NMT2: variants seen among roughly 807,000 people sequenced by gnomAD.
NMT2 encodes the protein glycylpeptide N-tetradecanoyltransferase 2.
Under a neutral mutation model 65.4 loss-of-function variants are expected in NMT2, and 35 were observed. The observed-to-expected ratio is 0.54, with a 90% CI of 0.41 to 0.71. The LOEUF is 0.71. Among genes scored for constraint, NMT2 ranks in the 30% least tolerant of loss-of-function variants. The pLI is 0.00. For synonymous variants in NMT2, 226 were observed against 231.8 expected (o/e 0.98, Z 0.23); for missense variants, 489 against 611.3 (o/e 0.80, Z 2.11).
chr10:15,118,984 C>T (rs1030776959), intron 9 of NMT2, among the ~76,000 whole-genome samples: 1 of 152,156 alleles, frequency 6.6e-6, no homozygotes, highest in African/African-American at 2.4e-5. Context: ...ATTTTCATAA[C>T]ACTAAGAAGT....
intron 1 of NMT2, among the ~76,000 whole-genome samples, chr10:15,162,897 G>GAT (rs1332905718): frequency 4.1e-5 from 6 of 147,440 alleles, no homozygotes; most frequent in Non-Finnish European, 9.0e-5. Flanking sequence ...TTATATATGT[G>GAT]ATATATATAA....
intron 2 of NMT2, among the ~76,000 whole-genome samples, chr10:15,135,640 T>TTTGGGGAATCTAAA (rs1258758433): frequency 1.3e-5 from 2 of 152,130 alleles, no homozygotes; most frequent in African/African-American, 4.8e-5. Context: ...GCTCTGGCAG[T>TTTGGGGAATCTAAA]TTGGGGAATC....
chr10:15,131,784 T>C (rs868739715), intron 6 of NMT2, among the ~76,000 whole-genome samples: 20 of 152,228 alleles, frequency 1.3e-4, no homozygotes, highest in Admixed American at 1.2e-3. Flanking sequence ...AGCTGGATCT[T>C]TGACTTTCCG....
In NMT2 at chr10:15,151,538, G is replaced by A. The variant is rs139885137; in HGVS notation, c.111-9981C>T. 1.1e-4 allele frequency among the ~76,000 whole-genome samples: 17 copies of A among 152,244 alleles called. No individual in the cohort carries two copies. In the East Asian group the frequency reaches 1.3e-3, roughly 12 times the overall value. On this transcript the variant is annotated intron_variant, in intron 1 of 11. Transcript: ENST00000378165. ...CTGGCTTTGTAGACAGTGCAAGGTCGGAATATAGGAAGAAATATTTTAAAT... is the reference window on the plus strand; with the variant it reads ...CTGGCTTTGTAGACAGTGCAAGGTCAGAATATAGGAAGAAATATTTTAAAT...
Position 15,139,212 on chromosome 10 carries a change from A to G in NMT2, c.246+2210T>C, listed in dbSNP as rs1846632599. On this transcript the variant is annotated intron_variant, in intron 2 of 11. Coordinates refer to ENST00000378165, the MANE Select transcript of NMT2 (RefSeq NM_004808.3). Reference sequence around the variant, plus strand: ...CAGACTGCAGATGGCCTATTGTGGGACCTTATGATCATGTGAATTAATACT... The same window carrying G: ...CAGACTGCAGATGGCCTATTGTGGGGCCTTATGATCATGTGAATTAATACT... 2.0e-5 allele frequency among the ~76,000 whole-genome samples: 3 copies of G among 152,120 alleles called. No individual in the cohort carries two copies. In the South Asian group the frequency reaches 6.2e-4, roughly 32 times the overall value.
intron 1 of NMT2, among the ~76,000 whole-genome samples, chr10:15,142,684 A>T (rs986820449): frequency 2.6e-5 from 4 of 152,254 alleles, no homozygotes; most frequent in African/African-American, 9.6e-5. Context: ...GTTTAAAAAT[A>T]GTAAGGTTTT....
intron 1 of NMT2, among the ~76,000 whole-genome samples, chr10:15,153,121 C>A (rs140273304): frequency 0.012 from 1,846 of 151,950 alleles, 20 homozygotes; most frequent in Non-Finnish European, 0.018. Context: ...TGGAAAGGAC[C>A]CACACACCGC....
At chr10:15,133,390 GA>G (rs757375270) in intron 3 of NMT2, 27 bp from the exon 4 acceptor site, 3 of 1,537,402 alleles carry the variant, frequency 2.0e-6, no homozygotes, top group East Asian at 2.2e-5. Context: ...AGAGAAAAAA[GA>G]AAGGCAAAAA....
rs754675748 is a variant in NMT2, at chr10:15,133,333, T to C, written c.422A>G (p.Glu141Gly). The C allele has an allele frequency of 6.2e-7, 1 of 1,613,842 alleles. No individual in the cohort carries two copies. Among genetic ancestry groups the C allele is most frequent in the Non-Finnish European group, 8.5e-7 (1 of 1,179,762 alleles). ...TTGGCGTACGTTGTCTTTATCTGGT[T>C]CAATTGCACCATGAGATGTTATGAC... ...DEVITSHGAI[E>G]PDKDNVRQEP... The change falls in exon 4 of 12, where the codon GAA becomes GGA. Residue 141 changes from glutamate (E) to glycine (G), a missense_variant. Transcript: ENST00000378165.
Position 15,109,104 on chromosome 10 carries a change from G to T in NMT2, c.*91C>A. The T allele has an allele frequency of 1.3e-6, 2 of 1,564,056 alleles. No individual in the cohort carries two copies. Among genetic ancestry groups the T allele is most frequent in the Non-Finnish European group, 1.7e-6 (2 of 1,162,880 alleles). On this transcript the variant is annotated 3_prime_UTR_variant, in exon 12 of 12. Coordinates refer to ENST00000378165, the MANE Select transcript of NMT2 (RefSeq NM_004808.3). Reference sequence around the variant, plus strand: ...CGACTACTTCAATTTCACTTGAGTTGTGCTTTTATTCTTCTTTGGAATGGC... The same window carrying T: ...CGACTACTTCAATTTCACTTGAGTTTTGCTTTTATTCTTCTTTGGAATGGC...
intron 1 of NMT2, among the ~76,000 whole-genome samples, chr10:15,166,388 A>G (rs369102968): frequency 7.2e-5 from 11 of 152,220 alleles, no homozygotes; most frequent in African/African-American, 2.4e-4. Flanking sequence ...ATGGGAATGA[A>G]GAGGCCGAGT....
At chr10:15,164,760 G>C (rs74125552) in intron 1 of NMT2, among the ~76,000 whole-genome samples, 1 of 152,088 alleles carries the variant, frequency 6.6e-6, no homozygotes, top group Non-Finnish European at 1.5e-5. Flanking sequence ...CCTCCAGGCC[G>C]GGCACCATGG....
At position 15,141,506 on chromosome 10, in the gene NMT2, T is replaced by C; in HGVS notation, c.162A>G (p.Arg54=). Residue 54 remains arginine, a synonymous_variant, in exon 2 of 12, where the codon AGA becomes AGG. Coordinates refer to ENST00000378165, the MANE Select transcript of NMT2 (RefSeq NM_004808.3). The part of the protein sequence containing the change: ...GAKKKKKKQK[R]KKEKPNSGGT... ...CTCCGGAATTTGGTTTCTCCTTTTT[T>C]CTCTTCTGTTTCTTCTTTTTCTTTT... is the stretch of plus-strand genomic sequence containing the variant. 1 of 1,614,236 alleles carries C rather than the reference T, an allele frequency of 6.2e-7. No homozygotes were observed. Among genetic ancestry groups the C allele is most frequent in the Non-Finnish European group, 8.5e-7 (1 of 1,180,034 alleles).
chr10:15,117,109 C>T (rs572630681), intron 9 of NMT2, among the ~76,000 whole-genome samples: 1 of 152,240 alleles, frequency 6.6e-6, no homozygotes, highest in African/African-American at 2.4e-5. Context: ...ACAAAAAAGG[C>T]ACTCCAGAGA....
intron 9 of NMT2, among the ~76,000 whole-genome samples, chr10:15,117,056 T>G (rs1400939694): frequency 6.6e-6 from 1 of 152,194 alleles, no homozygotes; most frequent in African/African-American, 2.4e-5. Flanking sequence ...CAACTCCTAT[T>G]ATGAGACCAG....
At chr10:15,156,952 C>T (rs1171048881) in intron 1 of NMT2, among the ~76,000 whole-genome samples, 1 of 151,810 alleles carries the variant, frequency 6.6e-6, no homozygotes, top group Non-Finnish European at 1.5e-5. Flanking sequence ...ATTTGGAAAC[C>T]AAAATAAGCA....
chr10:15,131,875 T>A (rs1375081918), intron 6 of NMT2, among the ~76,000 whole-genome samples: 1 of 152,202 alleles, frequency 6.6e-6, no homozygotes, highest in Non-Finnish European at 1.5e-5. Flanking sequence ...TAAGTAATTT[T>A]TTTTTTTTGA....
rs554729192 is a variant in NMT2, at chr10:15,152,340, T to A, written c.111-10783A>T. ...TGGGATGGTAGAGGAAAGAAACAAA[T>A]AAATTTTTTAAAAGCAGAGAAATAC... is the stretch of plus-strand genomic sequence containing the variant. On this transcript the variant is annotated intron_variant, in intron 1 of 11. Transcript: ENST00000378165. 3.3e-5 allele frequency among the ~76,000 whole-genome samples: 5 copies of A among 152,096 alleles called. No individual in the cohort carries two copies. In the South Asian group the frequency reaches 1.0e-3, roughly 31 times the overall value.
intron 1 of NMT2, among the ~76,000 whole-genome samples, chr10:15,149,191 A>G (rs1275812122): frequency 6.7e-6 from 1 of 150,266 alleles, no homozygotes; most frequent in Non-Finnish European, 1.5e-5. Flanking sequence ...CACCACTGCC[A>G]CCATCATCAC....
Sources: gnomAD v4.1 joint callset for allele counts (sites outside exome capture counted in the v4.1 genomes callset) on GRCh38, gnomAD v4.1.1 for gene constraint, MANE v1.5 for transcripts, NCBI Gene and HGNC (gene_info 2026-07-23, HGNC 2026-07-21) for gene names.